The following CLDN14 variants were observed in gnomAD, a reference collection of about 807,000 sequenced individuals.
The protein encoded by CLDN14 is claudin 14.
In CLDN14, 2 loss-of-function variants were observed where a neutral mutation model predicts 2.1. The observed-to-expected ratio is 0.96, with a 90% CI of 0.39 to 3.01. The LOEUF is 3.01. Ranked by LOEUF, CLDN14 falls within the 30% of genes most tolerant of loss-of-function variation. The pLI is 0.09. For synonymous variants in CLDN14, 136 were observed against 154.4 expected, an observed-to-expected ratio of 0.88 and a Z score of 0.88; for missense variants, 298 against 328.0, an observed-to-expected ratio of 0.91 and a Z score of 0.71.
At chr21:36,541,630 T>C (rs1298070254) in intron 1 of CLDN14, among the ~76,000 whole-genome samples, 2 of 152,202 alleles carry the variant, frequency 1.3e-5, no homozygotes, top group African/African-American at 2.4e-5. Context: ...CAATGATCAA[T>C]ATAGTGGAAT....
chr21:36,464,012 C>T (rs755718509), intron 1 of CLDN14, among the ~76,000 whole-genome samples: 15 of 152,184 alleles, frequency 9.9e-5, no homozygotes, highest in Non-Finnish European at 1.6e-4. Flanking sequence ...TGTGTCCCCA[C>T]CCAAATCTCA....
At chr21:36,531,312 T>C (rs1174403572) in intron 1 of CLDN14, among the ~76,000 whole-genome samples, 2 of 150,748 alleles carry the variant, frequency 1.3e-5, no homozygotes, top group African/African-American at 2.5e-5. Flanking sequence ...TTTGAGACAG[T>C]CTCACTCTGT....
At chr21:36,473,008 GT>G (rs1388857583) in intron 1 of CLDN14, among the ~76,000 whole-genome samples, 1 of 152,218 alleles carries the variant, frequency 6.6e-6, no homozygotes, top group Non-Finnish European at 1.5e-5. Context: ...AACAGACTGT[GT>G]TTGACCTTTA....
intron 1 of CLDN14, among the ~76,000 whole-genome samples, chr21:36,467,201 TTTTC>T (rs2086657455): frequency 6.6e-6 from 1 of 152,168 alleles, no homozygotes; most frequent in Non-Finnish European, 1.5e-5. Context: ...TGAGCTATGT[TTTTC>T]TTTAAAAAAG....
Position 36,461,633 on chromosome 21 carries a change from C to T in CLDN14, c.63G>A (p.Thr21=), listed in dbSNP as rs117560775. ...FLLSFLGMVG[T]LITTILPHWR... ...AGTGCGGCAGGATGGTGGTGATCAA[C>T]GTGCCCACCATGCCCAGGAAGCTGA... is the stretch of plus-strand genomic sequence containing the variant. The change falls in exon 2 of 2, where the codon ACG becomes ACA. Residue 21 remains threonine, a synonymous_variant. Coordinates refer to ENST00000399135, the MANE Select transcript of CLDN14 (RefSeq NM_001146079.2). 45,087 of 1,585,838 alleles carry T rather than the reference C, an allele frequency of 0.028. 849 individuals are homozygous for T. Among genetic ancestry groups the T allele is most frequent in the Admixed American group, 0.077 (4,241 of 55,406 alleles).
chr21:36,562,397 C>T (rs985671032), intron 1 of CLDN14, among the ~76,000 whole-genome samples: 1 of 152,184 alleles, frequency 6.6e-6, no homozygotes, highest in Non-Finnish European at 1.5e-5. Flanking sequence ...CATGGGACAT[C>T]CACTTTGTAA....
chr21:36,523,683 G>T (rs2187303), intron 1 of CLDN14, among the ~76,000 whole-genome samples: 93,573 of 144,854 alleles, frequency 0.65, 34,918 homozygotes, highest in Non-Finnish European at 0.85. Context: ...GGGAGGTGGA[G>T]GTTGCAGTGA....
At chr21:36,486,665 T>G in intron 2 of CLDN14, 1 of 1,424,878 alleles carries the variant, frequency 7.0e-7, no homozygotes, top group Non-Finnish European at 9.9e-7. Context: ...GTTCACCTCC[T>G]CTTCCCCCAA....
intron 1 of CLDN14, among the ~76,000 whole-genome samples, chr21:36,520,206 G>A (rs999559259): frequency 5.3e-5 from 8 of 152,090 alleles, no homozygotes; most frequent in Non-Finnish European, 8.8e-5. Context: ...GTGGGTCTGT[G>A]TGTCCAAATT....
chr21:36,471,760 A>G (rs1186253333), intron 1 of CLDN14, among the ~76,000 whole-genome samples: 2 of 152,266 alleles, frequency 1.3e-5, no homozygotes, highest in African/African-American at 4.8e-5. Flanking sequence ...TTCATGAATT[A>G]GACAACTATT....
chr21:36,549,065 A>G (rs1270213282), intron 1 of CLDN14, among the ~76,000 whole-genome samples: 3 of 152,040 alleles, frequency 2.0e-5, no homozygotes, highest in Non-Finnish European at 4.4e-5. Flanking sequence ...CAATGGCCCA[A>G]TTATTAAGGT....
intron 1 of CLDN14, among the ~76,000 whole-genome samples, chr21:36,568,655 G>T (rs1182739171): frequency 6.6e-6 from 1 of 152,194 alleles, no homozygotes; most frequent in Non-Finnish European, 1.5e-5. Context: ...AGCCCAGGAG[G>T]TTGAAGCTAC....
intron 1 of CLDN14, among the ~76,000 whole-genome samples, chr21:36,524,859 G>C (rs1430322367): frequency 6.6e-6 from 1 of 152,196 alleles, no homozygotes; most frequent in East Asian, 1.9e-4. Flanking sequence ...CAGAGCCCAG[G>C]GTGCCATCTT....
rs767108790 is a variant in CLDN14 at position 36,461,405 on chromosome 21, G to A, written c.291C>T (p.Cys97=). ...SCLLSGIACA[C]AVIGMKCTRC... ...GCGTGCACTTCATCCCGATGACGGCGCAGGCGCAGGCTATGCCCGAGAGCA... is the reference window on the plus strand; with the variant it reads ...GCGTGCACTTCATCCCGATGACGGCACAGGCGCAGGCTATGCCCGAGAGCA... The change falls in exon 2 of 2, where the codon TGC becomes TGT. Residue 97 remains cysteine (C), a synonymous_variant. Coordinates refer to ENST00000399135, the MANE Select transcript of CLDN14 (RefSeq NM_001146079.2). The A allele has an allele frequency of 9.3e-6, 15 of 1,613,008 alleles. No homozygotes were observed. The highest frequency in any genetic ancestry group is 1.6e-4 in the Middle Eastern group (1 of 6,082).
chr21:36,475,092 C>T (rs192028523), intron 1 of CLDN14, among the ~76,000 whole-genome samples: 114 of 152,256 alleles, frequency 7.5e-4, no homozygotes, highest in Admixed American at 1.2e-3. Flanking sequence ...GTGCCGGGTG[C>T]AGGTGGGGCA....
At chr21:36,491,712 A>G (rs1311034986) in intron 2 of CLDN14, among the ~76,000 whole-genome samples, 1 of 152,168 alleles carries the variant, frequency 6.6e-6, no homozygotes, top group Non-Finnish European at 1.5e-5. Flanking sequence ...CCTGGAGTAC[A>G]TGCCTCGGGA....
At chr21:36,492,010 A>C (rs561808508) in intron 2 of CLDN14, among the ~76,000 whole-genome samples, 62 of 152,244 alleles carry the variant, frequency 4.1e-4, no homozygotes, top group African/African-American at 1.4e-3. Context: ...GGGTGTGATT[A>C]AGTTAGTATG....
At chr21:36,486,254 C>T (rs1441086852) in intron 2 of CLDN14, 1 of 832,208 alleles carries the variant, frequency 1.2e-6, no homozygotes, top group Non-Finnish European at 2.1e-6. Context: ...ATGACATAAG[C>T]AATCCCCTCT....
At chr21:36,527,434 T>C (rs948505392) in intron 1 of CLDN14, among the ~76,000 whole-genome samples, 2 of 152,234 alleles carry the variant, frequency 1.3e-5, no homozygotes, top group African/African-American at 4.8e-5. Context: ...ATGCATGAAC[T>C]GAAGTTCCCT....
Sources: gnomAD v4.1 joint callset for allele counts (sites outside exome capture counted in the v4.1 genomes callset) on GRCh38, gnomAD v4.1.1 for gene constraint, MANE v1.5 for transcripts, NCBI Gene and HGNC (gene_info 2026-07-23, HGNC 2026-07-21) for gene names.